The following PLXNA4 variants were observed in gnomAD, a reference collection of about 807,000 sequenced individuals.
The protein encoded by PLXNA4 is plexin A4, also known as plexin-A4.
A neutral mutation model predicts 191.8 loss-of-function variants in PLXNA4; 44 were observed. The observed-to-expected ratio is 0.23, with a 90% confidence interval of 0.18 to 0.29. PLXNA4 has a LOEUF of 0.29. Ranked by LOEUF, PLXNA4 falls within the 10% of genes least tolerant of loss-of-function variation. The pLI is 1.00. For missense variants in PLXNA4, 1,800 were observed against 2,488.8 expected (o/e 0.72, Z 5.89); for synonymous variants, 1,082 against 1,009.5 (o/e 1.07, Z -1.36).
intron 3 of PLXNA4, among the ~76,000 whole-genome samples, chr7:132,328,412 C>T (rs769200476): frequency 7.9e-5 from 12 of 152,034 alleles, no homozygotes; most frequent in Non-Finnish European, 1.6e-4. Flanking sequence ...ATGGGCTTGG[C>T]GGAGGGCTGG....
At chr7:132,356,021 G>A (rs1803690558) in intron 3 of PLXNA4, among the ~76,000 whole-genome samples, 1 of 152,042 alleles carries the variant, frequency 6.6e-6, no homozygotes, top group Non-Finnish European at 1.5e-5. Context: ...GAGCAAGAGG[G>A]GAGATATTTA....
intron 3 of PLXNA4, among the ~76,000 whole-genome samples, chr7:132,338,420 C>CA (rs1802899035): frequency 6.6e-6 from 1 of 152,112 alleles, no homozygotes; most frequent in African/African-American, 2.4e-5. Flanking sequence ...AAACAGCACA[C>CA]AAAAAAGAAT....
At chr7:132,159,355 C>T (rs1795882525) in intron 25 of PLXNA4, 118 bp downstream of exon 25, 4 of 1,496,462 alleles carry the variant, frequency 2.7e-6, no homozygotes, top group East Asian at 2.3e-5. Context: ...CTGACTCCCT[C>T]CAGCCAGTGA....
intron 3 of PLXNA4, among the ~76,000 whole-genome samples, chr7:132,396,598 C>G (rs1411116323): frequency 6.6e-6 from 1 of 152,210 alleles, no homozygotes; most frequent in Non-Finnish European, 1.5e-5. Flanking sequence ...TCAAGCAATT[C>G]TCATGCCTCA....
intron 3 of PLXNA4, among the ~76,000 whole-genome samples, chr7:132,311,156 T>TTGTG (rs749947062): frequency 0.04 from 5,336 of 132,040 alleles, 194 homozygotes; most frequent in African/African-American, 0.098. Flanking sequence ...TCTAGGATAA[T>TTGTG]TGTGTGTGTG....
At chr7:132,405,360 C>T (rs1794176672) in intron 3 of PLXNA4, among the ~76,000 whole-genome samples, 1 of 152,142 alleles carries the variant, frequency 6.6e-6, no homozygotes. Flanking sequence ...ATCCTAGGAA[C>T]TGTGATTCCA....
intron 3 of PLXNA4, among the ~76,000 whole-genome samples, chr7:132,408,736 G>A (rs1036075361): frequency 1.3e-5 from 2 of 152,112 alleles, no homozygotes; most frequent in South Asian, 2.1e-4. Context: ...AAAGTGCTGG[G>A]ATTACAAGCA....
intron 4 of PLXNA4, among the ~76,000 whole-genome samples, chr7:132,274,661 T>G (rs985163093): frequency 1.3e-5 from 2 of 152,154 alleles, no homozygotes; most frequent in Non-Finnish European, 2.9e-5. Context: ...TTTTGTAGAA[T>G]GTCTGTCAAT....
chr7:132,461,023 G>T (rs1796483866), intron 3 of PLXNA4, among the ~76,000 whole-genome samples: 1 of 152,108 alleles, frequency 6.6e-6, no homozygotes. Context: ...AAGGAAAAAA[G>T]AAAGAAAATG....
intron 9 of PLXNA4, 138 bp downstream of exon 9, chr7:132,223,389 G>A: frequency 1.4e-6 from 1 of 695,286 alleles, no homozygotes; most frequent in East Asian, 2.8e-5. Flanking sequence ...TTTTTATAAA[G>A]TGGACCCTTA....
chr7:132,517,234 A>G (rs1228108447), intron 1 of PLXNA4, among the ~76,000 whole-genome samples: 1 of 152,184 alleles, frequency 6.6e-6, no homozygotes, highest in Non-Finnish European at 1.5e-5. Flanking sequence ...TCAGCGATGG[A>G]TGACATTTCC....
chr7:132,374,086 C>T (rs528361139), intron 3 of PLXNA4, among the ~76,000 whole-genome samples: 1 of 152,286 alleles, frequency 6.6e-6, no homozygotes, highest in South Asian at 2.1e-4. Context: ...TGATGCTGAC[C>T]TGCACGAAGT....
chr7:132,178,299 G>T (rs1349075374), intron 20 of PLXNA4, among the ~76,000 whole-genome samples: 3 of 151,948 alleles, frequency 2.0e-5, no homozygotes, highest in Admixed American at 1.3e-4. Context: ...CTGCTCTAGT[G>T]GGGTGAAGGT....
chr7:132,438,831 A>AT (rs1378086896), intron 3 of PLXNA4, among the ~76,000 whole-genome samples: 9 of 152,188 alleles, frequency 5.9e-5, no homozygotes, highest in Admixed American at 3.9e-4. Context: ...GATTGTCAAC[A>AT]TATCAAAACA....
chr7:132,243,613 G>A (rs1004459733), intron 4 of PLXNA4, among the ~76,000 whole-genome samples: 1 of 152,160 alleles, frequency 6.6e-6, no homozygotes, highest in Non-Finnish European at 1.5e-5. Context: ...AAGAATGCAA[G>A]AGCCCTCAGA....
rs741664 is a variant in PLXNA4, at chr7:132,385,295, T to C, written c.1372-87073A>G. 841,410 of 1,609,086 alleles carry C rather than the reference T, an allele frequency of 0.52. 238,082 individuals carry two copies. Among genetic ancestry groups the C allele is most frequent in the Non-Finnish European group, 0.59 (697,650 of 1,178,132 alleles). Reference sequence around the variant, plus strand: ...GTAGGGCAGAGGCTGGTACCAGGCATCTGGAAAAGATGAAACCTTAGCAGA... The same window carrying C: ...GTAGGGCAGAGGCTGGTACCAGGCACCTGGAAAAGATGAAACCTTAGCAGA... On this transcript the variant is annotated intron_variant, in intron 3 of 31. Transcript: ENST00000321063.
At chr7:132,303,375 C>A (rs571755646) in intron 3 of PLXNA4, among the ~76,000 whole-genome samples, 3 of 150,892 alleles carry the variant, frequency 2.0e-5, no homozygotes, top group Non-Finnish European at 4.4e-5. Flanking sequence ...TCAAGACTAT[C>A]CTGGCCAATA....
chr7:132,132,506 TATTCTATTCTA>T (rs1794994119), intron 31 of PLXNA4, among the ~76,000 whole-genome samples: 2 of 117,088 alleles, frequency 1.7e-5, no homozygotes, highest in African/African-American at 3.1e-5. Context: ...TTTTCTATTC[TATTCTATTCTA>T]TTCTATTCTA....
chr7:132,329,714 G>A (rs1802515145), intron 3 of PLXNA4, among the ~76,000 whole-genome samples: 1 of 152,136 alleles, frequency 6.6e-6, no homozygotes, highest in East Asian at 1.9e-4. Context: ...AAACAAACGG[G>A]TTGACTCCTT....
Sources: gnomAD v4.1 joint callset for allele counts (sites outside exome capture counted in the v4.1 genomes callset) on GRCh38, gnomAD v4.1.1 for gene constraint, MANE v1.5 for transcripts, NCBI Gene and HGNC (gene_info 2026-07-23, HGNC 2026-07-21) for gene names.